Variants in MYLK4 observed in about 807,000 individuals in gnomAD.
MYLK4 encodes the protein caMLCK like.
In MYLK4, 46 loss-of-function variants were observed where a neutral mutation model predicts 48.1. The observed-to-expected ratio is 0.96, with a 90% confidence interval of 0.75 to 1.22. The LOEUF (loss-of-function observed/expected upper bound fraction) is 1.22, where lower values mean the gene tolerates loss of function less well. MYLK4 is among the 50% of genes most tolerant of loss of function. The probability of loss-of-function intolerance (pLI) is 0.00; values close to 1 mark genes in which losing one functional copy is unlikely to be tolerated. For synonymous variants in MYLK4, 170 were observed against 180.8 expected, an observed-to-expected ratio of 0.94 and a Z score of 0.48; for missense variants, 451 against 486.1, an observed-to-expected ratio of 0.93 and a Z score of 0.68.
chr6:2,671,460 AAG>A, intron 11 of MYLK4, 112 bp from the exon 12 acceptor site: 1 of 1,003,012 alleles, frequency 1.0e-6, no homozygotes, highest in Non-Finnish European at 1.5e-6. Context: ...GGTGCTCTTC[AAG>A]AGAAGTTCTT....
chr6:2,762,121 G>A, the MYLK4 span, among the ~76,000 whole-genome samples: 1 of 152,046 alleles, frequency 6.6e-6, no homozygotes, highest in African/African-American at 2.4e-5. Flanking sequence ...TGTTGGCCAC[G>A]ATGGTCCCCA....
At chr6:2,688,709 A>G in intron 4 of MYLK4, 142 bp downstream of exon 4, 1 of 699,210 alleles carries the variant, frequency 1.4e-6, no homozygotes, top group Non-Finnish European at 2.5e-6. Flanking sequence ...CATCAGTGAC[A>G]ATTTTCAGAA....
At position 2,685,291 on chromosome 6, in the gene MYLK4, C is replaced by T. The variant is rs537244116; in HGVS notation, c.545+5G>A. 62 of 1,604,022 alleles carry T rather than the reference C, an allele frequency of 3.9e-5. No homozygotes were observed. Among genetic ancestry groups the T allele is most frequent in the Middle Eastern group, 3.9e-4 (2 of 5,138 alleles). ...GGTCAGGGAGGGGGCGGAGGGGATA[C>T]GTACTACTCCATGACCAGGACAATG... On this transcript the variant is annotated splice_donor_5th_base_variant and intron_variant, in intron 6 of 12. Transcript: ENST00000274643. This position sits in a 1 kb window ranked among gnomAD's most constrained non-coding sequence, Gnocchi z 4.5.
At chr6:2,705,016 G>A (rs930234780) in intron 2 of MYLK4, among the ~76,000 whole-genome samples, 1 of 152,196 alleles carries the variant, frequency 6.6e-6, no homozygotes. Context: ...GCAAGACACC[G>A]ATTCTCGGGT....
intron 3 of MYLK4, among the ~76,000 whole-genome samples, chr6:2,690,521 G>C (rs956937537): frequency 6.6e-6 from 1 of 151,758 alleles, no homozygotes; most frequent in East Asian, 1.9e-4. Flanking sequence ...CTTTAAGAAG[G>C]TTTTCTTAAA....
In MYLK4 at chr6:2,683,071, C is replaced by G; in HGVS notation, c.637G>C (p.Glu213Gln). ...ATCTGATGCATGTGCCTTATCCCCT[C>G]ACATATCTGCTTCATGAACAGGATG... ...DTILFMKQIC[E>Q]GIRHMHQMYI... is the part of the protein sequence containing the mutation. Residue 213 changes from glutamate to glutamine, a missense_variant, in exon 7 of 13, where the codon GAG becomes CAG. Physicochemically the swap from Glu to Gln is conservative, Grantham distance 29. Coordinates refer to ENST00000274643, the MANE Select transcript of MYLK4 (RefSeq NM_001012418.5). 6.2e-7 allele frequency: 1 copy of G among 1,614,162 alleles called. No homozygotes were observed.
At chr6:2,671,112 A>G (rs978755887) in intron 12 of MYLK4, among the ~76,000 whole-genome samples, 164 bp downstream of exon 12, 4 of 152,136 alleles carry the variant, frequency 2.6e-5, no homozygotes, top group Non-Finnish European at 4.4e-5. Context: ...AGTAAGAAAG[A>G]GCAGAGGCAG....
chr6:2,678,519 T>A lies in MYLK4; in HGVS notation c.888-147A>T. On this transcript the variant is annotated intron_variant, in intron 9 of 12. Transcript: ENST00000274643. ...ATAATTTTATAACATATTATTGTAA[T>A]CAAGAAAATGCTTGCCGCCCCCACC... 4.6e-6 allele frequency: 4 copies of A among 865,370 alleles called. No homozygotes were observed. The South Asian group carries it at 8.2e-5, about 18-fold the overall frequency. The allele number at this position is 865,370 out of a possible 1,614,324, so 53.6% of individuals were successfully genotyped here.
At chr6:2,770,175 C>T in the MYLK4 span, 1 of 1,614,238 alleles carries the variant, frequency 6.2e-7, no homozygotes, top group Non-Finnish European at 8.5e-7. Context: ...GGGGCAACCA[C>T]TGAAAACCCT....
the MYLK4 span, among the ~76,000 whole-genome samples, chr6:2,756,092 A>G: frequency 6.6e-6 from 1 of 152,228 alleles, no homozygotes; most frequent in Non-Finnish European, 1.5e-5. Flanking sequence ...TGCATCACCC[A>G]ACGTTTCTCA....
rs374236301 is a variant in MYLK4 at position 2,692,806 on chromosome 6, G to A, written c.213C>T (p.Ser71=). 5 of 1,613,776 alleles carry A rather than the reference G, an allele frequency of 3.1e-6. No homozygotes were observed. The Middle Eastern group carries it at 5.0e-4, about 160-fold the overall frequency. The part of the protein sequence containing the change: ...ADLTERMPVK[S]KRTSALAVDI... The stretch of plus-strand genomic sequence containing the variant: ...TACCTGCGAGGGCTGATGTCCTTTT[G>A]CTTTTGACGGGCATCCTTTCCGTCA... The change falls in exon 3 of 13, where the codon AGC becomes AGT. Residue 71 remains serine (S), a synonymous_variant. Coordinates refer to ENST00000274643, the MANE Select transcript of MYLK4 (RefSeq NM_001012418.5).
chr6:2,696,899 A>C (rs1762081797), intron 2 of MYLK4, among the ~76,000 whole-genome samples: 1 of 152,074 alleles, frequency 6.6e-6, no homozygotes, highest in Non-Finnish European at 1.5e-5. Context: ...ATCTCTACTA[A>C]AAATACAAAA....
chr6:2,747,000 G>A (rs776609922), intron 2 of MYLK4, among the ~76,000 whole-genome samples: 1 of 152,178 alleles, frequency 6.6e-6, no homozygotes, highest in Non-Finnish European at 1.5e-5. Flanking sequence ...TTCTCCACGT[G>A]GACGGAGAGA....
intron 2 of MYLK4, among the ~76,000 whole-genome samples, chr6:2,696,712 T>C (rs1762074080): frequency 6.6e-6 from 1 of 152,266 alleles, no homozygotes; most frequent in Admixed American, 6.5e-5. Context: ...TAAAAATATA[T>C]TGATACAATT....
the MYLK4 span, chr6:2,766,418 C>G: frequency 6.3e-7 from 1 of 1,592,208 alleles, no homozygotes; most frequent in Non-Finnish European, 8.6e-7. Context: ...CTCGCTTATC[C>G]TGTGGGGGCC....
chr6:2,714,527 C>A (rs1421987479), intron 2 of MYLK4, among the ~76,000 whole-genome samples: 1 of 152,224 alleles, frequency 6.6e-6, no homozygotes, highest in East Asian at 1.9e-4. Flanking sequence ...TCCTTGAATT[C>A]TTTCCTGGGC....
the MYLK4 span, chr6:2,765,695 C>T: frequency 1.9e-6 from 3 of 1,548,992 alleles, no homozygotes; most frequent in Admixed American, 1.8e-5. Flanking sequence ...CGTGTGCCAG[C>T]AGATGATGCC....
chr6:2,747,622 TGG>T lies in MYLK4; in HGVS notation c.159+1512_159+1513del, dbSNP rs763548946. On this transcript the variant is annotated intron_variant, in intron 2 of 12. Transcript: ENST00000274643. ...CTCTTGCCCCAGCCTCCCAAAGTGC[TGG>T]GATTACAGGTATGAGCCATGTGTCC... Among the ~76,000 whole-genome samples the T allele has an allele frequency of 2.0e-5, 3 of 152,222 alleles. No homozygotes were observed. In the South Asian group the frequency reaches 6.2e-4, roughly 32 times the overall value.
chr6:2,754,014 A>G (rs1278096842), upstream of MYLK4, among the ~76,000 whole-genome samples: 1 of 151,540 alleles, frequency 6.6e-6, no homozygotes, highest in Non-Finnish European at 1.5e-5. Flanking sequence ...AAAAAAAAAA[A>G]AGACAGAGAA....
Sources: allele counts gnomAD v4.1 joint callset (sites outside exome capture counted in the v4.1 genomes callset), GRCh38; gene constraint gnomAD v4.1.1; non-coding constraint Gnocchi (gnomAD v3.1); transcripts MANE v1.5; gene names NCBI Gene and HGNC (gene_info 2026-07-23, HGNC 2026-07-21).